Variants in GALNT13 observed in about 807,000 individuals in gnomAD.
GALNT13 encodes UDP-GalNAc:polypeptide N-acetylgalactosaminyltransferase 13.
Under a neutral mutation model 64.2 loss-of-function variants are expected in GALNT13, and 28 were observed. The ratio of observed to expected loss-of-function variants is 0.44; its 90% CI spans 0.32 to 0.60. The LOEUF (loss-of-function observed/expected upper bound fraction) is 0.60. Among genes scored for constraint, GALNT13 ranks in the 20% least tolerant of loss-of-function variants. The probability of loss-of-function intolerance (pLI) is 0.05; values close to 1 mark genes in which losing one functional copy is unlikely to be tolerated. For synonymous variants in GALNT13, 214 were observed against 224.6 expected (o/e 0.95, Z 0.42); for missense variants, 577 against 669.8 (o/e 0.86, Z 1.53).
At chr2:154,052,164 T>C (rs1182423983) in intron 3 of GALNT13, among the ~76,000 whole-genome samples, 2 of 152,138 alleles carry the variant, frequency 1.3e-5, no homozygotes, top group African/African-American at 2.4e-5. Flanking sequence ...GCAGACACTT[T>C]GTGGTTGTGC....
intron 2 of GALNT13, among the ~76,000 whole-genome samples, chr2:153,932,893 G>T (rs145759369): frequency 4.6e-5 from 7 of 152,120 alleles, no homozygotes; most frequent in Admixed American, 4.6e-4. Flanking sequence ...TTCCCAAAAT[G>T]CTGGGATTAC....
At chr2:153,187,899 G>T in the GALNT13 span, among the ~76,000 whole-genome samples, 1 of 152,026 alleles carries the variant, frequency 6.6e-6, no homozygotes, top group South Asian at 2.1e-4. Context: ...TACCAAGTAG[G>T]ATTTATTCCA....
intron 11 of GALNT13, among the ~76,000 whole-genome samples, chr2:154,410,581 TC>T (rs143355973): frequency 0.011 from 1,599 of 151,910 alleles, 26 homozygotes; most frequent in African/African-American, 0.036. Flanking sequence ...TCTCAGTGTA[TC>T]TCTCTTTAGG....
chr2:154,006,774 T>A (rs1696281036), intron 3 of GALNT13, among the ~76,000 whole-genome samples: 1 of 152,164 alleles, frequency 6.6e-6, no homozygotes, highest in South Asian at 2.1e-4. Flanking sequence ...CTTCAAATAC[T>A]ATGATGTTCA....
chr2:153,985,033 T>C (rs776602411), intron 3 of GALNT13, among the ~76,000 whole-genome samples: 31 of 152,012 alleles, frequency 2.0e-4, no homozygotes, highest in Non-Finnish European at 3.8e-4. Context: ...CCTTGCAATC[T>C]TTTATCTGAA....
chr2:153,169,324 T>G, the GALNT13 span, among the ~76,000 whole-genome samples: 3 of 152,134 alleles, frequency 2.0e-5, no homozygotes, highest in East Asian at 1.9e-4. Flanking sequence ...TTTCAGAGGT[T>G]TTTGATTCAG....
chr2:153,618,822 A>C, the GALNT13 span, among the ~76,000 whole-genome samples: 2 of 151,694 alleles, frequency 1.3e-5, no homozygotes, highest in African/African-American at 4.8e-5. Flanking sequence ...ATTTTATTTG[A>C]TATAAGTGTA....
chr2:153,163,834 A>G, the GALNT13 span, among the ~76,000 whole-genome samples: 5 of 152,214 alleles, frequency 3.3e-5, no homozygotes, highest in African/African-American at 4.8e-5. Flanking sequence ...CCTGGCTAAC[A>G]CGGTGAAACC....
chr2:154,448,247 C>G (rs1485230016), intron 12 of GALNT13, among the ~76,000 whole-genome samples: 1 of 151,990 alleles, frequency 6.6e-6, no homozygotes, highest in Non-Finnish European at 1.5e-5. Flanking sequence ...GTTGCAGATG[C>G]AGTTTATCAA....
At chr2:153,446,520 T>C in the GALNT13 span, among the ~76,000 whole-genome samples, 2 of 152,196 alleles carry the variant, frequency 1.3e-5, no homozygotes, top group African/African-American at 4.8e-5. Context: ...TCTTAACTAC[T>C]GAAGTATACT....
At chr2:154,396,344 T>G (rs942298004) in intron 10 of GALNT13, among the ~76,000 whole-genome samples, 1 of 152,012 alleles carries the variant, frequency 6.6e-6, no homozygotes, top group African/African-American at 2.4e-5. Flanking sequence ...AAAAAAAAAT[T>G]TTTTTAACAG....
chr2:154,026,593 C>T (rs1350679477), intron 3 of GALNT13, among the ~76,000 whole-genome samples: 1 of 152,138 alleles, frequency 6.6e-6, no homozygotes, highest in Non-Finnish European at 1.5e-5. Flanking sequence ...TTGCAGTGGT[C>T]ACTTTTTCTC....
chr2:154,139,007 T>G (rs1683107278), intron 3 of GALNT13, among the ~76,000 whole-genome samples: 1 of 152,112 alleles, frequency 6.6e-6, no homozygotes, highest in Non-Finnish European at 1.5e-5. Flanking sequence ...ATACATATTT[T>G]TTTCTATATT....
chr2:154,310,400 T>C (rs1693969013), intron 9 of GALNT13, among the ~76,000 whole-genome samples: 1 of 152,152 alleles, frequency 6.6e-6, no homozygotes, highest in Non-Finnish European at 1.5e-5. Flanking sequence ...CTTCAAATCT[T>C]TTTCTTATGC....
At chr2:154,314,956 T>C (rs1694246641) in intron 9 of GALNT13, among the ~76,000 whole-genome samples, 3 of 152,178 alleles carry the variant, frequency 2.0e-5, no homozygotes, top group Admixed American at 6.6e-5. Flanking sequence ...ATTTTAAATA[T>C]AATTTGAGTT....
chr2:153,858,046 A>C, the GALNT13 span, among the ~76,000 whole-genome samples: 51 of 152,350 alleles, frequency 3.3e-4, no homozygotes, highest in African/African-American at 1.2e-3. Context: ...AATCTATAGG[A>C]GGTAATAACC....
At chr2:154,019,700 GT>G (rs957331032) in intron 3 of GALNT13, among the ~76,000 whole-genome samples, 1 of 138,670 alleles carries the variant, frequency 7.2e-6, no homozygotes, top group Admixed American at 7.1e-5. Flanking sequence ...TGTTTTTTTT[GT>G]TTTTTTCATT....
At chr2:153,850,953 A>C in the GALNT13 span, among the ~76,000 whole-genome samples, 1 of 152,198 alleles carries the variant, frequency 6.6e-6, no homozygotes, top group African/African-American at 2.4e-5. Context: ...TGATGGTTTC[A>C]ACACCCTTTT....
intron 2 of GALNT13, among the ~76,000 whole-genome samples, chr2:153,923,476 A>G (rs1450999171): frequency 2.6e-5 from 4 of 151,572 alleles, no homozygotes; most frequent in Admixed American, 1.3e-4. Flanking sequence ...CAGGGAGAGT[A>G]TTTTCTTCAT....
Sources: allele counts gnomAD v4.1 joint callset (sites outside exome capture counted in the v4.1 genomes callset), GRCh38; gene constraint gnomAD v4.1.1; transcripts MANE v1.5; gene names NCBI Gene and HGNC (gene_info 2026-07-23, HGNC 2026-07-21).